EXT1: variants seen among roughly 807,000 people sequenced by gnomAD.
EXT1 encodes the protein exostosin-1.
EXT1 carries 20 observed loss-of-function variants against 82.5 expected under a neutral mutation model. That is an observed-to-expected ratio of 0.24 (90% CI 0.17 to 0.35). EXT1 has a LOEUF of 0.35. Among genes scored for constraint, EXT1 ranks in the 10% least tolerant of loss-of-function variants. The probability of loss-of-function intolerance (pLI) is 1.00; values close to 1 mark genes in which losing one functional copy is unlikely to be tolerated. For missense variants in EXT1, 757 were observed against 936.5 expected (o/e 0.81, Z 2.50); for synonymous variants, 348 against 350.8 (o/e 0.99, Z 0.09).
chr8:117,819,703 A>T lies in EXT1; in HGVS notation c.1509T>A (p.Ala503=), dbSNP rs949806342. ...QSQPVLKLLV[A]AAKSQYCAQI... The stretch of plus-strand genomic sequence containing the variant: ...GGGCACAGTACTGGGACTTGGCTGC[A>T]GCCACGAGAAGCTTCAACACTGGCT... The change falls in exon 6 of 11, where the codon GCT becomes GCA. Residue 503 remains alanine, a synonymous_variant. Coordinates refer to ENST00000378204, the MANE Select transcript of EXT1 (RefSeq NM_000127.3). The T allele has an allele frequency of 1.3e-5, 21 of 1,612,662 alleles. No individual in the cohort carries two copies. Among genetic ancestry groups the T allele is most frequent in the Non-Finnish European group, 2.5e-6 (3 of 1,180,024 alleles).
At chr8:117,858,770 C>A (rs149861632) in intron 1 of EXT1, among the ~76,000 whole-genome samples, 1,316 of 76,418 alleles carry the variant, frequency 0.017, 10 homozygotes, top group East Asian at 0.05. Flanking sequence ...GGAAGGAAGG[C>A]AGGCAGGCAG....
In EXT1 at chr8:117,928,110, A is replaced by G. The variant is rs1217861329; in HGVS notation, c.963-90909T>C. On this transcript the variant is annotated intron_variant, in intron 1 of 10. Transcript: ENST00000378204. Reference sequence around the variant, plus strand: ...CTGGATGGCATACCCTTTATCATACATATCTTAGACCTTTGGAGTTGATAG... The same window carrying G: ...CTGGATGGCATACCCTTTATCATACGTATCTTAGACCTTTGGAGTTGATAG... Among the ~76,000 whole-genome samples, 46 of 152,200 alleles carry G rather than the reference A, an allele frequency of 3.0e-4. 1 individual carries two copies. Among genetic ancestry groups the G allele is most frequent in the Admixed American group, 3.0e-3 (46 of 15,276 alleles).
At position 117,858,754 on chromosome 8, in the gene EXT1, AAGGAAGGAAGGAAGGC is replaced by A. The variant is rs1486875980; in HGVS notation, c.963-21569_963-21554del. On this transcript the variant is annotated intron_variant, in intron 1 of 10. Coordinates refer to ENST00000378204, the MANE Select transcript of EXT1 (RefSeq NM_000127.3). Reference sequence around the variant, plus strand: ...GAAGGAAGGAAGGAAGGAAGGAAGGAAGGAAGGAAGGAAGGCAGGCAGGCAGGCAGGCAGGCAAGGC... The same window carrying A: ...GAAGGAAGGAAGGAAGGAAGGAAGGAAGGCAGGCAGGCAGGCAGGCAAGGC... Among the ~76,000 whole-genome samples the A allele has an allele frequency of 4.8e-3, 270 of 56,804 alleles. 22 individuals carry two copies. The highest frequency in any genetic ancestry group is 0.013 in the African/African-American group (204 of 15,796). The allele number at this position is 56,804 out of a possible 152,430, so 37.3% of individuals were successfully genotyped here.
chr8:117,866,013 T>G (rs186321281), intron 1 of EXT1, among the ~76,000 whole-genome samples: 20 of 152,224 alleles, frequency 1.3e-4, no homozygotes, highest in African/African-American at 4.3e-4. Flanking sequence ...TCACTTCAGG[T>G]CAGGAGTTTG....
intron 1 of EXT1, among the ~76,000 whole-genome samples, chr8:117,953,584 G>A (rs995897772): frequency 6.6e-6 from 1 of 151,860 alleles, no homozygotes; most frequent in Non-Finnish European, 1.5e-5. Flanking sequence ...CAAACAACCA[G>A]CGCCAAATTA....
chr8:117,912,153 T>C (rs1167840062), intron 1 of EXT1, among the ~76,000 whole-genome samples: 3 of 152,172 alleles, frequency 2.0e-5, no homozygotes, highest in Non-Finnish European at 4.4e-5. Flanking sequence ...TGGCACCATA[T>C]TGCAAGAGGG....
chr8:117,921,928 T>G (rs1813863970), intron 1 of EXT1, among the ~76,000 whole-genome samples: 1 of 152,152 alleles, frequency 6.6e-6, no homozygotes, highest in Non-Finnish European at 1.5e-5. Flanking sequence ...GAAATAGAAC[T>G]GTACAGACTC....
At chr8:117,891,963 C>T (rs544158112) in intron 1 of EXT1, among the ~76,000 whole-genome samples, 1 of 152,124 alleles carries the variant, frequency 6.6e-6, no homozygotes, top group South Asian at 2.1e-4. Flanking sequence ...CAGGCTACCA[C>T]ACCCGGCTAA....
At chr8:117,925,690 G>A (rs1370372525) in intron 1 of EXT1, among the ~76,000 whole-genome samples, 1 of 129,128 alleles carries the variant, frequency 7.7e-6, no homozygotes, top group East Asian at 2.4e-4. Flanking sequence ...GTAACACAGG[G>A]ATACCCTGTC....
intron 1 of EXT1, among the ~76,000 whole-genome samples, chr8:117,959,834 A>G (rs891331934): frequency 6.6e-6 from 1 of 152,238 alleles, no homozygotes; most frequent in Non-Finnish European, 1.5e-5. Flanking sequence ...TCTCTAAAAG[A>G]TAGTAAAGTT....
At chr8:117,856,269 T>TG (rs1812555428) in intron 1 of EXT1, among the ~76,000 whole-genome samples, 3 of 146,472 alleles carry the variant, frequency 2.0e-5, no homozygotes, top group Non-Finnish European at 3.0e-5. Context: ...TTTTTTTTTG[T>TG]GGGGGGACGG....
intron 1 of EXT1, among the ~76,000 whole-genome samples, chr8:117,855,742 C>T (rs1159628845): frequency 2.0e-5 from 3 of 152,194 alleles, no homozygotes; most frequent in African/African-American, 4.8e-5. Context: ...GATCTCGGCT[C>T]ACTGCAACCT....
intron 1 of EXT1, among the ~76,000 whole-genome samples, chr8:117,914,370 C>T (rs1000233939): frequency 3.3e-5 from 5 of 152,106 alleles, no homozygotes; most frequent in Non-Finnish European, 5.9e-5. Flanking sequence ...GATTGTAAAA[C>T]GTGTGTTTGA....
At chr8:117,812,364 G>A (rs17429992) in intron 8 of EXT1, among the ~76,000 whole-genome samples, 58,840 of 151,998 alleles carry the variant, frequency 0.39, 11,778 homozygotes, top group Admixed American at 0.52. Context: ...TCACAACCTT[G>A]AAGTGAAACC....
intron 1 of EXT1, among the ~76,000 whole-genome samples, chr8:117,925,525 C>A (rs3101576): frequency 0.068 from 10,307 of 151,796 alleles, 974 homozygotes; most frequent in African/African-American, 0.21. Context: ...GTTATGGAAG[C>A]CATATGACCC....
At chr8:117,988,928 A>T (rs1220186899) in intron 1 of EXT1, among the ~76,000 whole-genome samples, 1 of 151,910 alleles carries the variant, frequency 6.6e-6, no homozygotes, top group Non-Finnish European at 1.5e-5. Flanking sequence ...TTAAATAACA[A>T]CTAAAAATAA....
intron 1 of EXT1, among the ~76,000 whole-genome samples, chr8:117,919,327 A>G (rs1813812464): frequency 6.6e-6 from 1 of 151,600 alleles, no homozygotes; most frequent in Non-Finnish European, 1.5e-5. Context: ...CTGGCACTAC[A>G]GGCATTACAC....
chr8:117,900,249 A>C (rs1813416458), intron 1 of EXT1, among the ~76,000 whole-genome samples: 2 of 152,204 alleles, frequency 1.3e-5, no homozygotes, highest in Admixed American at 1.3e-4. Context: ...GAAGAAGAGC[A>C]ATGATGTTTG....
chr8:117,819,754 C>T lies in EXT1; in HGVS notation c.1458G>A (p.Ala486=), dbSNP rs765275156. ...PPSKFTAVIH[A]VTPLVSQSQP... is the part of the protein sequence containing the mutation. ...GGGACTGAGAGACCAGGGGGGTCAC[C>T]GCATGGATGACTGCAGTGAATTTGG... Residue 486 remains alanine (A), a synonymous_variant, in exon 6 of 11, where the codon GCG becomes GCA. Coordinates refer to ENST00000378204, the MANE Select transcript of EXT1 (RefSeq NM_000127.3). 5.0e-6 allele frequency: 8 copies of T among 1,613,350 alleles called. No homozygotes were observed. The highest frequency in any genetic ancestry group is 1.7e-5 in the Admixed American group (1 of 60,004).
Sources: allele counts gnomAD v4.1 joint callset (sites outside exome capture counted in the v4.1 genomes callset), GRCh38; gene constraint gnomAD v4.1.1; transcripts MANE v1.5; gene names NCBI Gene and HGNC (gene_info 2026-07-23, HGNC 2026-07-21).